The following PPM1H variants were observed in gnomAD, a reference collection of about 807,000 sequenced individuals.
The protein encoded by PPM1H is protein phosphatase 1H.
PPM1H carries 27 observed loss-of-function variants against 54.9 expected under a neutral mutation model. That is an observed-to-expected ratio of 0.49 (90% CI 0.36 to 0.68). PPM1H has a LOEUF of 0.68. PPM1H is among the 30% of genes least tolerant of loss of function. PPM1H has a pLI of 0.00. For missense variants in PPM1H, 596 were observed against 667.8 expected (o/e 0.89, Z 1.19); for synonymous variants, 305 against 270.8 (o/e 1.13, Z -1.24).
intron 8 of PPM1H, among the ~76,000 whole-genome samples, chr12:62,672,979 C>T (rs920617901): frequency 6.6e-6 from 1 of 152,156 alleles, no homozygotes; most frequent in African/African-American, 2.4e-5. Context: ...TCAGAAGACC[C>T]CCTCATTTCA....
chr12:62,654,217 CAAAAAAAAAA>C (rs57812590), intron 9 of PPM1H, among the ~76,000 whole-genome samples: 4 of 65,448 alleles, frequency 6.1e-5, no homozygotes, highest in South Asian at 7.8e-4. Context: ...GACTCTTTCT[CAAAAAAAAAA>C]AAAAAAAAAA....
intron 9 of PPM1H, among the ~76,000 whole-genome samples, chr12:62,652,683 G>A (rs187222719): frequency 1.2e-4 from 18 of 152,060 alleles, no homozygotes; most frequent in Non-Finnish European, 2.1e-4. Flanking sequence ...TAAGTTAATC[G>A]TATTTCTGTC....
Position 62,934,858 on chromosome 12 carries a change from G to T in PPM1H, c.-122C>A. The T allele has an allele frequency of 1.0e-6, 1 of 1,002,420 alleles. No homozygotes were observed. Among genetic ancestry groups the T allele is most frequent in the Non-Finnish European group, 1.3e-6 (1 of 782,786 alleles). 62.1% of individuals were successfully genotyped at this position (1,002,420 alleles called of 1,614,324 possible). A position where few individuals can be genotyped will look rare whatever the true frequency, so the allele number is the denominator to read the frequency against. ...GCACGGCGAGTCGGGCCACTGGGAC[G>T]CGCCGCGCGCGGCTCCCAGAGCCTA... On this transcript the variant is annotated 5_prime_UTR_variant, in exon 1 of 10. Transcript: ENST00000228705. This position sits in a 1 kb window ranked among gnomAD's most constrained non-coding sequence, Gnocchi z 4.2.
chr12:62,832,127 A>G lies in PPM1H; in HGVS notation c.398T>C (p.Leu133Pro). ...SSLPNGEGLQ[L>P]KENSESEGVS... ...GAAGGGTCTTACCGAGTTCTCCTTC[A>G]GCTGCAGCCCTTCCCCATTGGGAAG... is the stretch of plus-strand genomic sequence containing the variant. Residue 133 changes from leucine to proline, a missense_variant, in exon 2 of 10, where the codon CTG becomes CCG. Leu to Pro is a moderately conservative substitution (Grantham distance 98). Around this residue, in one of 3 missense-constraint regions of PPM1H, gnomAD observed 382 missense variants for 387.1 expected, o/e 0.99. Coordinates refer to ENST00000228705, the MANE Select transcript of PPM1H (RefSeq NM_020700.2). 6.2e-7 allele frequency: 1 copy of G among 1,613,742 alleles called. No homozygotes were observed. Among genetic ancestry groups the G allele is most frequent in the East Asian group, 2.2e-5 (1 of 44,852 alleles).
rs57812590 is a variant in PPM1H at position 62,654,217 on chromosome 12, CAAAAA to C, written c.1398-5586_1398-5582del. ...TGGGTGACAGAGAGAGACTCTTTCT[CAAAAA>C]AAAAAAAAAAAAAAAAAAAGCAACA... On this transcript the variant is annotated intron_variant, in intron 9 of 9. Transcript: ENST00000228705. Among the ~76,000 whole-genome samples, 240 of 65,452 alleles carry C rather than the reference CAAAAA, an allele frequency of 3.7e-3. 3 individuals carry two copies. The highest frequency in any genetic ancestry group is 0.013 in the African/African-American group (202 of 15,548). 42.9% of individuals were successfully genotyped at this position (65,452 alleles called of 152,430 possible). A position where few individuals can be genotyped will look rare whatever the true frequency, so the allele number is the denominator to read the frequency against.
chr12:62,734,882 C>T (rs528116304), intron 5 of PPM1H, among the ~76,000 whole-genome samples: 9 of 151,996 alleles, frequency 5.9e-5, no homozygotes, highest in East Asian at 1.9e-4. Context: ...CCCATCTCTA[C>T]AAAAGAAAAA....
At chr12:62,713,523 C>G (rs747069800) in intron 6 of PPM1H, among the ~76,000 whole-genome samples, 1 of 152,088 alleles carries the variant, frequency 6.6e-6, no homozygotes, top group African/African-American at 2.4e-5. Flanking sequence ...GTGAGTTGTT[C>G]CTAAGCACAA....
chr12:62,665,827 G>C (rs1173768219), intron 9 of PPM1H, among the ~76,000 whole-genome samples: 1 of 151,824 alleles, frequency 6.6e-6, no homozygotes, highest in Non-Finnish European at 1.5e-5. Flanking sequence ...TGCAACCACT[G>C]CCTCCTGGGC....
intron 1 of PPM1H, among the ~76,000 whole-genome samples, chr12:62,833,966 A>C (rs192706107): frequency 2.6e-5 from 4 of 152,188 alleles, no homozygotes; most frequent in Non-Finnish European, 5.9e-5. Flanking sequence ...CGAAAAGATC[A>C]TATCAGTCAT....
intron 8 of PPM1H, among the ~76,000 whole-genome samples, chr12:62,673,022 G>A (rs1378212313): frequency 6.6e-6 from 1 of 152,184 alleles, no homozygotes. Context: ...TGTTAACTGA[G>A]ACACTTCCAA....
chr12:62,739,174 T>G (rs952324677), intron 4 of PPM1H, among the ~76,000 whole-genome samples: 2 of 152,152 alleles, frequency 1.3e-5, no homozygotes, highest in Non-Finnish European at 2.9e-5. Context: ...CTTATCACTT[T>G]TATTATGCTG....
intron 1 of PPM1H, among the ~76,000 whole-genome samples, chr12:62,840,696 G>T (rs1336641740): frequency 6.6e-6 from 1 of 152,144 alleles, no homozygotes; most frequent in Admixed American, 6.5e-5. Flanking sequence ...GAGGTGTAGG[G>T]TGTGACCTAA....
chr12:62,742,914 T>C (rs1317000428), intron 4 of PPM1H, among the ~76,000 whole-genome samples: 1 of 152,230 alleles, frequency 6.6e-6, no homozygotes, highest in Admixed American at 6.5e-5. Context: ...CTTTAAAGAC[T>C]ACAGCTGAAA....
chr12:62,777,182 A>G (rs1202649667), intron 4 of PPM1H, among the ~76,000 whole-genome samples: 4 of 152,236 alleles, frequency 2.6e-5, no homozygotes. Flanking sequence ...CTGTTGATGC[A>G]GTGTACCAGC....
At chr12:62,660,535 A>G (rs973341839) in intron 9 of PPM1H, among the ~76,000 whole-genome samples, 8 of 152,196 alleles carry the variant, frequency 5.3e-5, no homozygotes, top group African/African-American at 1.9e-4. Context: ...AAGTAAATCC[A>G]TGCATTTACA....
intron 2 of PPM1H, among the ~76,000 whole-genome samples, chr12:62,819,670 G>A (rs1245920132): frequency 1.3e-5 from 2 of 152,176 alleles, no homozygotes; most frequent in Non-Finnish European, 2.9e-5. Context: ...TGTTGTTGTT[G>A]TTGTTGTTTT....
Position 62,900,807 on chromosome 12 carries a change from C to T in PPM1H, c.245+33685G>A, listed in dbSNP as rs552858095. On this transcript the variant is annotated intron_variant, in intron 1 of 9. Coordinates refer to ENST00000228705, the MANE Select transcript of PPM1H (RefSeq NM_020700.2). ...GGACATAGTACAGATAGGACTTAAG[C>T]CCCGGTGTCTGGTTTCAAGGCTATA... is the stretch of plus-strand genomic sequence containing the variant. Among the ~76,000 whole-genome samples the T allele has an allele frequency of 5.3e-5, 8 of 152,290 alleles. 1 individual carries two copies. The highest frequency in any genetic ancestry group is 1.9e-4 in the African/African-American group (8 of 41,552).
At chr12:62,925,486 G>A (rs1432908763) in intron 1 of PPM1H, among the ~76,000 whole-genome samples, 3 of 152,220 alleles carry the variant, frequency 2.0e-5, no homozygotes, top group Non-Finnish European at 4.4e-5. Context: ...GCTGAGGCAT[G>A]AGAATTGCTG....
chr12:62,757,290 T>C (rs558940386), intron 4 of PPM1H, among the ~76,000 whole-genome samples: 8 of 152,122 alleles, frequency 5.3e-5, no homozygotes, highest in Non-Finnish European at 7.4e-5. Flanking sequence ...GTTTCCTGTT[T>C]TTGCTGGGAT....
Sources: gnomAD v4.1 joint callset for allele counts (sites outside exome capture counted in the v4.1 genomes callset) on GRCh38, gnomAD v4.1.1 for gene constraint, gnomAD v4.1.1 regional missense constraint, Gnocchi (gnomAD v3.1) non-coding constraint, MANE v1.5 for transcripts, NCBI Gene and HGNC (gene_info 2026-07-23, HGNC 2026-07-21) for gene names.